WWOX: variants seen among roughly 807,000 people sequenced by gnomAD.
The protein encoded by WWOX is WW domain containing oxidoreductase, also known as WW domain-containing oxidoreductase.
WWOX carries 69 observed loss-of-function variants against 46.2 expected under a neutral mutation model. The observed-to-expected ratio is 1.49, with a 90% confidence interval of 1.23 to 1.82. WWOX has a LOEUF of 1.82. Ranked by LOEUF, WWOX falls within the 40% of genes most tolerant of loss-of-function variation. The pLI, the probability that WWOX is intolerant of heterozygous loss-of-function variation, is 0.00. For synonymous variants in WWOX, 359 were observed against 202.6 expected, an observed-to-expected ratio of 1.77 and a Z score of -6.56; for missense variants, 919 against 542.6, an observed-to-expected ratio of 1.69 and a Z score of -6.89.
At chr16:78,949,647 G>A (rs569313424) in intron 8 of WWOX, among the ~76,000 whole-genome samples, 2 of 152,196 alleles carry the variant, frequency 1.3e-5, no homozygotes, top group Non-Finnish European at 2.9e-5. Context: ...TCCAAGGCTC[G>A]TGTTAACTCC....
intron 8 of WWOX, among the ~76,000 whole-genome samples, chr16:78,889,645 C>T (rs2044545216): frequency 2.0e-5 from 3 of 152,104 alleles, no homozygotes; most frequent in South Asian, 2.1e-4. Context: ...TTTGTTGTTT[C>T]CTTTTCACTA....
intron 8 of WWOX, among the ~76,000 whole-genome samples, chr16:78,636,800 A>T (rs1024399338): frequency 6.6e-6 from 1 of 152,192 alleles, no homozygotes; most frequent in Non-Finnish European, 1.5e-5. Flanking sequence ...GGCAAGAGGC[A>T]TTCAACCTCC....
intron 8 of WWOX, among the ~76,000 whole-genome samples, chr16:79,108,277 G>A (rs1379608072): frequency 5.9e-5 from 9 of 152,174 alleles, no homozygotes; most frequent in Non-Finnish European, 1.3e-4. Flanking sequence ...GCATCAGCGG[G>A]GTCCTGCAGT....
chr16:78,575,687 C>T (rs1405222863), intron 8 of WWOX, among the ~76,000 whole-genome samples: 1 of 152,060 alleles, frequency 6.6e-6, no homozygotes, highest in Non-Finnish European at 1.5e-5. Flanking sequence ...TGGATGACAC[C>T]CTCCTAAAGC....
chr16:78,539,670 C>T (rs1407268869), intron 8 of WWOX, among the ~76,000 whole-genome samples: 3 of 152,142 alleles, frequency 2.0e-5, no homozygotes, highest in Non-Finnish European at 2.9e-5. Flanking sequence ...GCAGTGGCTG[C>T]CTGGGAAATG....
chr16:78,306,639 C>G (rs78209873), intron 5 of WWOX, among the ~76,000 whole-genome samples: 1 of 152,170 alleles, frequency 6.6e-6, no homozygotes, highest in East Asian at 1.9e-4. Context: ...GAGCCCAACT[C>G]CTTACCACAA....
intron 8 of WWOX, among the ~76,000 whole-genome samples, chr16:78,967,773 G>C (rs1164665460): frequency 6.6e-6 from 1 of 152,108 alleles, no homozygotes; most frequent in Non-Finnish European, 1.5e-5. Flanking sequence ...GCAGAGGATG[G>C]CACAGAGTTC....
chr16:79,006,711 C>T (rs2047197955), intron 8 of WWOX, among the ~76,000 whole-genome samples: 1 of 152,096 alleles, frequency 6.6e-6, no homozygotes, highest in Non-Finnish European at 1.5e-5. Flanking sequence ...TTTCTGGAGG[C>T]CCTAGAGGGC....
intron 8 of WWOX, among the ~76,000 whole-genome samples, chr16:79,197,742 G>A (rs1768701089): frequency 6.6e-6 from 1 of 152,044 alleles, no homozygotes; most frequent in Admixed American, 6.6e-5. Context: ...ACGGATTGTG[G>A]TGAAAACACA....
At chr16:79,204,292 C>G (rs1356700159) in intron 8 of WWOX, 3 of 152,022 alleles carry the variant, frequency 2.0e-5, no homozygotes, top group Non-Finnish European at 2.9e-5. Context: ...ATGAGACAGC[C>G]TCTCAGGTCC....
At chr16:78,740,603 C>G (rs559048978) in intron 8 of WWOX, among the ~76,000 whole-genome samples, 5 of 152,086 alleles carry the variant, frequency 3.3e-5, no homozygotes, top group African/African-American at 4.8e-5. Flanking sequence ...AGGCATGGGG[C>G]GCCGTTTCAT....
chr16:78,469,886 G>A (rs1162295670), intron 8 of WWOX, among the ~76,000 whole-genome samples: 1 of 152,218 alleles, frequency 6.6e-6, no homozygotes, highest in Non-Finnish European at 1.5e-5. Context: ...TCTGTAACCT[G>A]GGATTAGATA....
chr16:78,638,098 T>C (rs2046617980), intron 8 of WWOX, among the ~76,000 whole-genome samples: 2 of 152,192 alleles, frequency 1.3e-5, no homozygotes, highest in African/African-American at 4.8e-5. Flanking sequence ...TAAGCTCTTC[T>C]CTTAGTTATT....
At chr16:78,615,482 T>C (rs369556064) in intron 8 of WWOX, among the ~76,000 whole-genome samples, 8 of 151,924 alleles carry the variant, frequency 5.3e-5, no homozygotes, top group African/African-American at 1.5e-4. Context: ...GACCCATCTC[T>C]ACTATAAATT....
At chr16:78,406,706 A>C (rs1350767815) in intron 6 of WWOX, among the ~76,000 whole-genome samples, 2 of 149,660 alleles carry the variant, frequency 1.3e-5, no homozygotes, top group Non-Finnish European at 3.0e-5. Context: ...GGCTCACTGC[A>C]ACCTCCTCCT....
At chr16:78,847,032 C>T (rs1331984808) in intron 8 of WWOX, among the ~76,000 whole-genome samples, 1 of 152,200 alleles carries the variant, frequency 6.6e-6, no homozygotes, top group African/African-American at 2.4e-5. Context: ...GGTTCCTGCA[C>T]CCTTTTGACA....
intron 8 of WWOX, among the ~76,000 whole-genome samples, chr16:78,914,434 G>A (rs376952473): frequency 1.3e-5 from 2 of 152,030 alleles, no homozygotes; most frequent in African/African-American, 2.4e-5. Flanking sequence ...CAGCTTGAAC[G>A]CTGTACTTTG....
At chr16:78,236,918 T>TA in intron 5 of WWOX, among the ~76,000 whole-genome samples, 1 of 151,878 alleles carries the variant, frequency 6.6e-6, no homozygotes, top group Non-Finnish European at 1.5e-5. Context: ...CTACTAAAAA[T>TA]ACAAAAGTTA....
At chr16:78,939,095 G>C (rs979582224) in intron 8 of WWOX, among the ~76,000 whole-genome samples, 1 of 152,220 alleles carries the variant, frequency 6.6e-6, no homozygotes, top group African/African-American at 2.4e-5. Context: ...CTTTAGACAG[G>C]ACAGTGGCCC....
Sources: gnomAD v4.1 joint callset for allele counts (sites outside exome capture counted in the v4.1 genomes callset) on GRCh38, gnomAD v4.1.1 for gene constraint, MANE v1.5 for transcripts, NCBI Gene and HGNC (gene_info 2026-07-23, HGNC 2026-07-21) for gene names.